The following ABCC1 variants were observed in gnomAD, a reference collection of about 807,000 sequenced individuals.
The protein encoded by ABCC1 is multidrug resistance-associated protein 1.
ABCC1 carries 83 observed loss-of-function variants against 172.9 expected under a neutral mutation model. The ratio of observed to expected loss-of-function variants is 0.48; its 90% CI spans 0.40 to 0.58. The LOEUF (loss-of-function observed/expected upper bound fraction) is 0.58. ABCC1 is among the 20% of genes least tolerant of loss of function. The pLI, the probability that ABCC1 is intolerant of heterozygous loss-of-function variation, is 0.00. For missense variants in ABCC1, 1,817 were observed against 2,002.7 expected (o/e 0.91, Z 1.77); for synonymous variants, 937 against 825.2 (o/e 1.14, Z -2.32).
chr16:16,061,789 T>A (rs2049927715), intron 12 of ABCC1, among the ~76,000 whole-genome samples: 1 of 148,206 alleles, frequency 6.7e-6, no homozygotes, highest in East Asian at 2.0e-4. Flanking sequence ...TTTTTTTTTT[T>A]TTGAGATGGG....
At chr16:15,994,649 G>A (rs942150953) in intron 1 of ABCC1, among the ~76,000 whole-genome samples, 2 of 152,122 alleles carry the variant, frequency 1.3e-5, no homozygotes, top group African/African-American at 4.8e-5. Flanking sequence ...AAATCATGCA[G>A]AGGAGAAAAT....
At chr16:15,994,250 A>C (rs762583124) in intron 1 of ABCC1, among the ~76,000 whole-genome samples, 3 of 152,060 alleles carry the variant, frequency 2.0e-5, no homozygotes, top group Non-Finnish European at 2.9e-5. Context: ...CAAACAAACC[A>C]AAAGGCCTTA....
chr16:15,979,893 G>A (rs1200803625), intron 1 of ABCC1, among the ~76,000 whole-genome samples: 1 of 152,040 alleles, frequency 6.6e-6, no homozygotes, highest in African/African-American at 2.4e-5. Context: ...GCTGAGACTC[G>A]TTCTGAGGTC....
At chr16:15,970,389 C>G (rs2046339139) in intron 1 of ABCC1, among the ~76,000 whole-genome samples, 1 of 152,218 alleles carries the variant, frequency 6.6e-6, no homozygotes, top group Admixed American at 6.5e-5. Flanking sequence ...GTGCCTCTAG[C>G]TGCAAAGGAG....
chr16:16,057,372 A>AC (rs1027234383), intron 12 of ABCC1, among the ~76,000 whole-genome samples: 3 of 151,544 alleles, frequency 2.0e-5, no homozygotes, highest in Admixed American at 6.6e-5. Context: ...AAAGTAAAAA[A>AC]AAAAAAAAAT....
Position 16,136,522 on chromosome 16 carries a change from A to G in ABCC1, c.4170A>G (p.Pro1390=), listed in dbSNP as rs1300897899. 6.2e-7 allele frequency: 1 copy of G among 1,614,114 alleles called. No individual in the cohort carries two copies. The highest frequency in any genetic ancestry group is 8.5e-7 in the Non-Finnish European group (1 of 1,180,018). ...FSGSLRMNLD[P]FSQYSDEEVW... is the part of the protein sequence containing the mutation. ...GTTCCCTCCGAATGAACCTGGACCC[A>G]TTCAGCCAGTACTCGGATGAAGAAG... The change falls in exon 29 of 31, where the codon CCA becomes CCG. Residue 1390 remains proline, a synonymous_variant. Coordinates refer to ENST00000399410, the MANE Select transcript of ABCC1 (RefSeq NM_004996.4).
At chr16:16,087,024 G>C (rs1307449367) in intron 18 of ABCC1, 33 bp downstream of exon 18, 1 of 1,612,406 alleles carries the variant, frequency 6.2e-7, no homozygotes, top group South Asian at 1.1e-5. Context: ...TTGGTGTTGG[G>C]CCGTCTCGCC....
At chr16:16,130,193 T>C (rs2045619030) in intron 26 of ABCC1, among the ~76,000 whole-genome samples, 1 of 152,204 alleles carries the variant, frequency 6.6e-6, no homozygotes, top group Admixed American at 6.5e-5. Context: ...GCTGTGAGGA[T>C]TGGATGAGAC....
intron 1 of ABCC1, among the ~76,000 whole-genome samples, chr16:15,999,819 T>TCTCTC (rs1899371896): frequency 1.5e-4 from 10 of 68,658 alleles, no homozygotes; most frequent in African/African-American, 4.3e-4. Context: ...CCTCTCTCTC[T>TCTCTC]CTCTCTCTCT....
chr16:16,023,927 G>A (rs954967081), intron 5 of ABCC1, among the ~76,000 whole-genome samples: 11 of 152,234 alleles, frequency 7.2e-5, no homozygotes, highest in Non-Finnish European at 1.5e-4. Flanking sequence ...CTTGGAATTC[G>A]GCTTGGCTAG....
At chr16:16,045,710 T>G (rs1322111969) in intron 8 of ABCC1, 126 bp from the exon 9 acceptor site, 29 of 954,632 alleles carry the variant, frequency 3.0e-5, no homozygotes, top group Non-Finnish European at 4.4e-5. Context: ...TTTCCATCTA[T>G]GAAATTGAAG....
At chr16:16,082,687 A>G (rs1432900226) in intron 16 of ABCC1, among the ~76,000 whole-genome samples, 1 of 152,230 alleles carries the variant, frequency 6.6e-6, no homozygotes, top group Non-Finnish European at 1.5e-5. Flanking sequence ...TCTGTGGTCC[A>G]GGCTGGAGTG....
chr16:15,967,102 A>G lies in ABCC1; in HGVS notation c.48+17303A>G, dbSNP rs74011332. On this transcript the variant is annotated intron_variant, in intron 1 of 30. Transcript: ENST00000399410. ...AGCTGGCCTATGTCCAGTTCTCTGC[A>G]TACTTGGTAGGGGAGTGTTTGGAGA... Among the ~76,000 whole-genome samples the G allele has an allele frequency of 7.4e-3, 1,119 of 152,206 alleles. 22 individuals are homozygous for G. Among genetic ancestry groups the G allele is most frequent in the African/African-American group, 0.025 (1,052 of 41,528 alleles).
rs1045139225 is a variant in ABCC1 at position 16,047,370 on chromosome 16, C to T, written c.1219-772C>T. On this transcript the variant is annotated intron_variant, in intron 9 of 30. Transcript: ENST00000399410. ...GCAGTGGCATGATCTTGGCTCACTG[C>T]AGCCTCCACCTCCTGGGCTCAAACG... is the stretch of plus-strand genomic sequence containing the variant. 2.0e-5 allele frequency among the ~76,000 whole-genome samples: 3 copies of T among 152,112 alleles called. No individual in the cohort carries two copies. In the East Asian group the frequency reaches 5.8e-4, roughly 29 times the overall value.
intron 27 of ABCC1, among the ~76,000 whole-genome samples, chr16:16,133,931 C>T (rs1416635929): frequency 6.6e-6 from 1 of 152,124 alleles, no homozygotes; most frequent in Non-Finnish European, 1.5e-5. Flanking sequence ...GAAGATCTGC[C>T]TGAATCTTTC....
At chr16:16,139,101 A>G (rs769165967) in intron 30 of ABCC1, among the ~76,000 whole-genome samples, 13 of 152,220 alleles carry the variant, frequency 8.5e-5, no homozygotes, top group Admixed American at 2.0e-4. Context: ...GGCTGCTGTC[A>G]GACAAAGTCC....
At chr16:15,955,442 T>G (rs545006469) in intron 1 of ABCC1, among the ~76,000 whole-genome samples, 22 of 152,290 alleles carry the variant, frequency 1.4e-4, no homozygotes, top group African/African-American at 4.6e-4. Context: ...GCTGTCCCTC[T>G]TCTACTAAAA....
chr16:15,952,716 TAAAAAAAAAAA>T (rs57105111), intron 1 of ABCC1, among the ~76,000 whole-genome samples: 3 of 40,288 alleles, frequency 7.4e-5, no homozygotes, highest in East Asian at 2.0e-3. Context: ...GTGAGTTCAT[TAAAAAAAAAAA>T]AAAAAAAAAA....
At chr16:15,957,703 C>T (rs571231560) in intron 1 of ABCC1, among the ~76,000 whole-genome samples, 3 of 152,156 alleles carry the variant, frequency 2.0e-5, no homozygotes, top group Non-Finnish European at 4.4e-5. Context: ...TCAAGCAATT[C>T]TGCCTCAGCC....
Sources: gnomAD v4.1 joint callset for allele counts (sites outside exome capture counted in the v4.1 genomes callset) on GRCh38, gnomAD v4.1.1 for gene constraint, MANE v1.5 for transcripts, NCBI Gene and HGNC (gene_info 2026-07-23, HGNC 2026-07-21) for gene names.